The following TSHZ3 variants were observed in gnomAD, a reference collection of about 807,000 sequenced individuals.
TSHZ3 encodes teashirt zinc finger homeobox 3.
In TSHZ3, 10 loss-of-function variants were observed where a neutral mutation model predicts 64.5. That is an observed-to-expected ratio of 0.16 (90% CI 0.10 to 0.26). TSHZ3 has a LOEUF of 0.26. Among genes scored for constraint, TSHZ3 ranks in the 10% least tolerant of loss-of-function variants. TSHZ3 has a pLI of 1.00. For synonymous variants in TSHZ3, 608 were observed against 593.1 expected (o/e 1.03, Z -0.36); for missense variants, 1,242 against 1,421.7 (o/e 0.87, Z 2.03).
chr19:31,300,719 C>A (rs1253489108), intron 1 of TSHZ3, among the ~76,000 whole-genome samples: 10 of 152,010 alleles, frequency 6.6e-5, no homozygotes, highest in Admixed American at 6.6e-4. Context: ...CTGATTTGAT[C>A]CAAATTGGTA....
At chr19:31,306,304 T>A (rs1916295172) in intron 1 of TSHZ3, among the ~76,000 whole-genome samples, 1 of 152,226 alleles carries the variant, frequency 6.6e-6, no homozygotes, top group Admixed American at 6.5e-5. Context: ...TGGATGGGAC[T>A]TCACTACCAA....
intron 1 of TSHZ3, among the ~76,000 whole-genome samples, chr19:31,302,748 C>T (rs964560008): frequency 2.0e-5 from 3 of 152,146 alleles, no homozygotes; most frequent in Non-Finnish European, 2.9e-5. Context: ...AAAGATGCCA[C>T]ATTCATCCTC....
intron 1 of TSHZ3, among the ~76,000 whole-genome samples, chr19:31,251,991 C>A (rs889573552): frequency 6.6e-6 from 1 of 152,214 alleles, no homozygotes; most frequent in Non-Finnish European, 1.5e-5. Context: ...TGGTTTTCCT[C>A]TGTATCCCTA....
At chr19:31,159,099 A>T (rs1426594151) in intron 5 of TSHZ3, among the ~76,000 whole-genome samples, 1 of 152,222 alleles carries the variant, frequency 6.6e-6, no homozygotes, top group Non-Finnish European at 1.5e-5. Flanking sequence ...TCCTGGGTTC[A>T]GGCAATTCTC....
intron 1 of TSHZ3, among the ~76,000 whole-genome samples, chr19:31,313,056 T>A (rs1448273053): frequency 6.6e-6 from 1 of 152,094 alleles, no homozygotes; most frequent in African/African-American, 2.4e-5. Context: ...GCAGTGCATG[T>A]GGTATGCAGA....
intron 1 of TSHZ3, among the ~76,000 whole-genome samples, chr19:31,343,491 T>A (rs1356527310): frequency 6.6e-6 from 1 of 152,234 alleles, no homozygotes; most frequent in African/African-American, 2.4e-5. Flanking sequence ...GTCTTCTTTT[T>A]TAAATGGGGC....
chr19:31,273,050 G>A (rs7253568), downstream of TSHZ3, among the ~76,000 whole-genome samples: 6,923 of 152,206 alleles, frequency 0.045, 487 homozygotes, highest in African/African-American at 0.16. Context: ...GGGAAACCAG[G>A]GCCATTCTGG....
intron 1 of TSHZ3, among the ~76,000 whole-genome samples, chr19:31,266,560 C>T (rs141433258): frequency 1.7e-3 from 265 of 152,214 alleles, no homozygotes; most frequent in African/African-American, 5.9e-3. Context: ...CCCATTAACA[C>T]GACCCTTTTC....
chr19:31,171,963 C>G (rs1240392172), intron 5 of TSHZ3, among the ~76,000 whole-genome samples: 3 of 152,146 alleles, frequency 2.0e-5, no homozygotes, highest in Non-Finnish European at 4.4e-5. Context: ...AGTGAAGACC[C>G]ATTTGTTCAT....
At chr19:31,209,276 T>C (rs540523324) in intron 4 of TSHZ3, among the ~76,000 whole-genome samples, 106 of 152,268 alleles carry the variant, frequency 7.0e-4, no homozygotes, top group Non-Finnish European at 1.5e-3. Flanking sequence ...ATTGCAAAAG[T>C]AATGGGAACA....
chr19:31,230,299 A>G (rs1293233789), intron 3 of TSHZ3, among the ~76,000 whole-genome samples: 4 of 152,122 alleles, frequency 2.6e-5, no homozygotes, highest in African/African-American at 9.7e-5. Flanking sequence ...TGTACATTTC[A>G]TTTTTTTGTT....
intron 1 of TSHZ3, among the ~76,000 whole-genome samples, chr19:31,313,197 T>C (rs575325322): frequency 1.9e-4 from 29 of 152,258 alleles, no homozygotes; most frequent in African/African-American, 6.5e-4. Context: ...GCTACCAGCG[T>C]TTGCTGTTAG....
downstream of TSHZ3, among the ~76,000 whole-genome samples, chr19:31,273,673 C>T (rs970815886): frequency 1.3e-5 from 2 of 152,162 alleles, no homozygotes; most frequent in Non-Finnish European, 2.9e-5. Context: ...GCGGAAGGCA[C>T]GGGAGGGAGG....
chr19:31,277,300 T>C lies in TSHZ3; in HGVS notation c.2493A>G (p.Val831=). The change falls in exon 2 of 2, where the codon GTA becomes GTG. Residue 831 remains valine, a synonymous_variant. Transcript: ENST00000240587. This position sits in a 1 kb window ranked among gnomAD's most constrained non-coding sequence, Gnocchi z 4.5. ...GTAGCGGCGAGTTTGACATGAATGA[T>C]ACGACGGCAGATGTCTTTGCCGTTG... ...TVTTAKTSAV[V]SFMSNSPLRE... 3 of 1,613,604 alleles carry C rather than the reference T, an allele frequency of 1.9e-6. No homozygotes were observed. In the East Asian group the frequency reaches 6.7e-5, roughly 36 times the overall value.
intron 1 of TSHZ3, among the ~76,000 whole-genome samples, chr19:31,248,157 C>T (rs1290959760): frequency 6.6e-6 from 1 of 152,152 alleles, no homozygotes; most frequent in Non-Finnish European, 1.5e-5. Context: ...TCACTTATCT[C>T]CCACTGGGTC....
At chr19:31,337,538 G>A (rs777385762) in intron 1 of TSHZ3, among the ~76,000 whole-genome samples, 13 of 152,090 alleles carry the variant, frequency 8.5e-5, no homozygotes, top group Admixed American at 2.0e-4. Flanking sequence ...CTTCTTCCAC[G>A]AAGTCTCAGC....
chr19:31,308,403 G>C, intron 1 of TSHZ3: 1 of 370,222 alleles, frequency 2.7e-6, no homozygotes, highest in Non-Finnish European at 4.8e-6. Context: ...GGGAAAATGC[G>C]CTGGAACATT....
intron 1 of TSHZ3, among the ~76,000 whole-genome samples, chr19:31,250,265 C>T (rs774349531): frequency 1.6e-4 from 24 of 152,202 alleles, no homozygotes; most frequent in Non-Finnish European, 2.9e-4. Context: ...TTCCCTTTTG[C>T]GTTGCAAAAA....
intron 5 of TSHZ3, among the ~76,000 whole-genome samples, chr19:31,189,994 C>T (rs1386366363): frequency 1.3e-5 from 2 of 152,084 alleles, no homozygotes; most frequent in African/African-American, 4.8e-5. Context: ...CTCTAAATCT[C>T]TGTGTCTAAT....
Sources: gnomAD v4.1 joint callset for allele counts (sites outside exome capture counted in the v4.1 genomes callset) on GRCh38, gnomAD v4.1.1 for gene constraint, Gnocchi (gnomAD v3.1) non-coding constraint, MANE v1.5 for transcripts, NCBI Gene and HGNC (gene_info 2026-07-23, HGNC 2026-07-21) for gene names.